Variants in NTM observed in about 807,000 individuals in gnomAD.
The protein encoded by NTM is neurotrimin, also known as IgLON family member 2.
Under a neutral mutation model 42.1 loss-of-function variants are expected in NTM, and 13 were observed. That is an observed-to-expected ratio of 0.31 (90% confidence interval 0.20 to 0.49). The LOEUF (loss-of-function observed/expected upper bound fraction) is 0.49, where lower values mean the gene tolerates loss of function less well. Ranked by LOEUF, NTM falls within the 20% of genes least tolerant of loss-of-function variation. The pLI is 0.99. For missense variants in NTM, 373 were observed against 452.8 expected, an observed-to-expected ratio of 0.82 and a Z score of 1.60; for synonymous variants, 187 against 179.2, an observed-to-expected ratio of 1.04 and a Z score of -0.35.
At chr11:131,456,887 T>A (rs962421008) in intron 1 of NTM, among the ~76,000 whole-genome samples, 4 of 152,180 alleles carry the variant, frequency 2.6e-5, no homozygotes. Context: ...ATCTCTATGA[T>A]TTTCATGCTT....
chr11:131,479,847 G>A (rs1328311433), intron 1 of NTM, among the ~76,000 whole-genome samples: 2 of 152,226 alleles, frequency 1.3e-5, no homozygotes, highest in East Asian at 1.9e-4. Flanking sequence ...CTGAATTAAA[G>A]CAGGTGTGAA....
At chr11:132,050,053 G>A (rs1009155300) in intron 2 of NTM, among the ~76,000 whole-genome samples, 3 of 152,106 alleles carry the variant, frequency 2.0e-5, no homozygotes, top group Admixed American at 1.3e-4. Context: ...AAAGGCAGTC[G>A]GAAATTTGCT....
At chr11:131,674,606 T>C (rs186492611) in intron 1 of NTM, among the ~76,000 whole-genome samples, 54 of 152,360 alleles carry the variant, frequency 3.5e-4, no homozygotes, top group Non-Finnish European at 6.8e-4. Flanking sequence ...TTCATTGCTA[T>C]GATTGTAGTC....
intron 1 of NTM, among the ~76,000 whole-genome samples, chr11:131,666,253 G>A (rs997600246): frequency 1.3e-5 from 2 of 152,156 alleles, no homozygotes; most frequent in African/African-American, 4.8e-5. Context: ...ACTGCTGTGG[G>A]AGAAGCAGTG....
At chr11:132,317,580 C>A in intron 7 of NTM, 2 of 832,056 alleles carry the variant, frequency 2.4e-6, no homozygotes, top group Non-Finnish European at 3.5e-6. Context: ...CTATATATGA[C>A]AAATATATAG....
intron 1 of NTM, among the ~76,000 whole-genome samples, chr11:131,825,270 A>C (rs995343030): frequency 8.5e-5 from 13 of 152,092 alleles, no homozygotes; most frequent in African/African-American, 3.1e-4. Flanking sequence ...GCCCCAGCCA[A>C]TTCCAACATG....
chr11:131,409,598 G>C (rs1946155711), intron 1 of NTM, among the ~76,000 whole-genome samples: 1 of 152,248 alleles, frequency 6.6e-6, no homozygotes, highest in African/African-American at 2.4e-5. Context: ...GTGACCTTGA[G>C]AAGGTCGAGC....
chr11:132,329,301 T>A (rs1375762204), intron 7 of NTM, among the ~76,000 whole-genome samples: 1 of 152,186 alleles, frequency 6.6e-6, no homozygotes, highest in East Asian at 1.9e-4. Flanking sequence ...AGATTAGAGA[T>A]CATTCCAAAT....
In NTM at chr11:132,076,706, T is replaced by C. The variant is rs1385889703; in HGVS notation, c.168-69576T>C. 2.6e-5 allele frequency among the ~76,000 whole-genome samples: 4 copies of C among 152,310 alleles called. No individual in the cohort carries two copies. The East Asian group carries it at 7.7e-4, about 29-fold the overall frequency. On this transcript the variant is annotated intron_variant, in intron 2 of 8. Transcript: ENST00000683400. ...TGTTTTTGAGTCCCACACCAACATTTTTCTAAGGAATCTCTCAACCTCATT... is the reference window on the plus strand; with the variant it reads ...TGTTTTTGAGTCCCACACCAACATTCTTCTAAGGAATCTCTCAACCTCATT...
chr11:131,403,484 A>G (rs1362934676), intron 1 of NTM, among the ~76,000 whole-genome samples: 2 of 152,178 alleles, frequency 1.3e-5, no homozygotes, highest in Non-Finnish European at 2.9e-5. Flanking sequence ...CTGAACCTTC[A>G]TAACTAGATA....
intron 7 of NTM, among the ~76,000 whole-genome samples, chr11:132,326,266 G>T (rs1213543887): frequency 2.0e-5 from 3 of 152,192 alleles, no homozygotes; most frequent in Non-Finnish European, 4.4e-5. Flanking sequence ...TATGCTTTCA[G>T]AAGGACCGAG....
intron 1 of NTM, chr11:131,534,832 A>T (rs942356780): frequency 6.6e-6 from 1 of 152,256 alleles, no homozygotes; most frequent in Admixed American, 6.5e-5. Context: ...TGGAGCACAA[A>T]GCCCTTCTGA....
At chr11:131,370,952 T>C (rs1941082545) in intron 1 of NTM, 64 bp downstream of exon 1, 2 of 1,600,194 alleles carry the variant, frequency 1.2e-6, no homozygotes, top group Non-Finnish European at 1.7e-6. Flanking sequence ...CTTTATAAGA[T>C]TTGCAGACTC....
chr11:131,785,051 G>A (rs544420104), intron 1 of NTM, among the ~76,000 whole-genome samples: 2 of 152,104 alleles, frequency 1.3e-5, no homozygotes, highest in East Asian at 3.9e-4. Flanking sequence ...TGTCTGTGTG[G>A]GTACACATAT....
chr11:132,055,202 T>C (rs370159027), intron 2 of NTM, among the ~76,000 whole-genome samples: 1 of 152,200 alleles, frequency 6.6e-6, no homozygotes, highest in Non-Finnish European at 1.5e-5. Context: ...ACACCTTTTA[T>C]TGGCACTAAA....
intron 1 of NTM, among the ~76,000 whole-genome samples, chr11:131,425,939 C>T (rs1393524113): frequency 1.3e-5 from 2 of 152,060 alleles, no homozygotes; most frequent in South Asian, 2.1e-4. Flanking sequence ...ATAGTCAAGA[C>T]TTGTTAATGT....
At chr11:132,089,603 C>A (rs2060153763) in intron 2 of NTM, among the ~76,000 whole-genome samples, 1 of 152,178 alleles carries the variant, frequency 6.6e-6, no homozygotes, top group Non-Finnish European at 1.5e-5. Context: ...ATGTGAATAT[C>A]CTGCCCTGGG....
chr11:131,586,159 G>A (rs1245325976), intron 1 of NTM, among the ~76,000 whole-genome samples: 1 of 152,026 alleles, frequency 6.6e-6, no homozygotes, highest in African/African-American at 2.4e-5. Context: ...AGGCTAGAGT[G>A]CAGTGGTGCA....
At chr11:131,549,616 C>T (rs1034738132) in intron 1 of NTM, among the ~76,000 whole-genome samples, 7 of 152,086 alleles carry the variant, frequency 4.6e-5, no homozygotes, top group African/African-American at 1.7e-4. Flanking sequence ...GGAACTAGCC[C>T]GCCCAAGCCA....
Sources: allele counts gnomAD v4.1 joint callset (sites outside exome capture counted in the v4.1 genomes callset), GRCh38; gene constraint gnomAD v4.1.1; transcripts MANE v1.5; gene names NCBI Gene and HGNC (gene_info 2026-07-23, HGNC 2026-07-21).